The following XXYLT1 variants were observed in gnomAD, a reference collection of about 807,000 sequenced individuals.
XXYLT1 encodes the protein UDP-xylose:alpha-xyloside alpha-1,3-xylosyltransferase.
In XXYLT1, 20 loss-of-function variants were observed where a neutral mutation model predicts 28.9. The observed-to-expected ratio is 0.69, with a 90% CI of 0.49 to 1.00. The LOEUF is 1.00. Ranked by LOEUF, XXYLT1 falls within the 50% of genes least tolerant of loss-of-function variation. The pLI is 0.00. For missense variants in XXYLT1, 542 were observed against 560.1 expected, an observed-to-expected ratio of 0.97 and a Z score of 0.33; for synonymous variants, 257 against 253.8, an observed-to-expected ratio of 1.01 and a Z score of -0.12.
In XXYLT1 at chr3:195,180,603, G is replaced by C; in HGVS notation, c.653-24022C>G. On this transcript the variant is annotated intron_variant, in intron 2 of 3. Coordinates refer to ENST00000310380, the MANE Select transcript of XXYLT1 (RefSeq NM_152531.5). The surrounding 1 kb of genome is among the most constrained non-coding windows in gnomAD (Gnocchi z 5.8). ...CCAGCCCTCTCCAGAGCGTGATGTG[G>C]CCCCGTCTGGCTAAGAGCACCAGAC... 1 of 969,654 alleles carries C rather than the reference G, an allele frequency of 1.0e-6. No homozygotes were observed. 60.1% of individuals were successfully genotyped at this position (969,654 alleles called of 1,614,324 possible). A position where few individuals can be genotyped will look rare whatever the true frequency, so the allele number is the denominator to read the frequency against.
rs1030895207 is a variant in XXYLT1 at position 195,110,289 on chromosome 3, G to C, written c.786-40178C>G. Among the ~76,000 whole-genome samples the C allele has an allele frequency of 8.1e-3, 12 of 1,478 alleles. 3 individuals carry two copies. Among genetic ancestry groups the C allele is most frequent in the African/African-American group, 0.017 (7 of 424 alleles). The allele number at this position is 1,478 out of a possible 152,430, so 1.0% of individuals were successfully genotyped here. On this transcript the variant is annotated intron_variant, in intron 3 of 3. Coordinates refer to ENST00000310380, the MANE Select transcript of XXYLT1 (RefSeq NM_152531.5). ...GGTGTGTGGTGTGTGTGGGGTGTAT[G>C]TGTGCGTGTGTGGTATATGTGTGTG... is the stretch of plus-strand genomic sequence containing the variant.
At chr3:195,082,339 C>G (rs1255367732) in intron 3 of XXYLT1, among the ~76,000 whole-genome samples, 1 of 152,168 alleles carries the variant, frequency 6.6e-6, no homozygotes, top group African/African-American at 2.4e-5. Flanking sequence ...CCCGTCAGCC[C>G]CCCTCCCTGG....
At chr3:195,238,603 T>G (rs1234495901) in intron 1 of XXYLT1, among the ~76,000 whole-genome samples, 1 of 152,124 alleles carries the variant, frequency 6.6e-6, no homozygotes, top group Non-Finnish European at 1.5e-5. Flanking sequence ...AGTTTCTTCG[T>G]GGGTAATACA....
At chr3:195,106,661 T>C (rs1717111875) in intron 3 of XXYLT1, among the ~76,000 whole-genome samples, 1 of 152,220 alleles carries the variant, frequency 6.6e-6, no homozygotes, top group Non-Finnish European at 1.5e-5. Flanking sequence ...GGGAGGGGCC[T>C]GGGGCGCCCC....
At chr3:195,232,170 TA>T (rs1464758121) in intron 1 of XXYLT1, among the ~76,000 whole-genome samples, 1 of 152,174 alleles carries the variant, frequency 6.6e-6, no homozygotes, top group Non-Finnish European at 1.5e-5. Context: ...TTTATTGGTA[TA>T]TAGTTGTTCA....
At chr3:195,109,511 T>C (rs1717346346) in intron 3 of XXYLT1, among the ~76,000 whole-genome samples, 1 of 150,426 alleles carries the variant, frequency 6.6e-6, no homozygotes. Flanking sequence ...GTGTGTGGTG[T>C]ATGAGTGTGC....
Position 195,163,765 on chromosome 3 carries a change from C to T in XXYLT1, c.653-7184G>A, listed in dbSNP as rs144807543. On this transcript the variant is annotated intron_variant, in intron 2 of 3. Transcript: ENST00000310380. ...GGCTGCTCCATGAAGTTATCAAAGA[C>T]CCAGACGACTTCTGCTTTTCTCCTT... 5.7e-3 allele frequency among the ~76,000 whole-genome samples: 862 copies of T among 152,308 alleles called. 11 individuals are homozygous for T. The highest frequency in any genetic ancestry group is 5.9e-3 in the Non-Finnish European group (403 of 68,020).
chr3:195,260,257 G>A (rs1390789826), intron 1 of XXYLT1, among the ~76,000 whole-genome samples: 1 of 150,982 alleles, frequency 6.6e-6, no homozygotes, highest in Non-Finnish European at 1.5e-5. Flanking sequence ...TGTCGGCCCC[G>A]GGCGGGGGAG....
In XXYLT1 at chr3:195,252,719, C is replaced by CAGAG. The variant is rs1484813323; in HGVS notation, c.504+17835_504+17836insCTCT. Among the ~76,000 whole-genome samples, 1,070 of 138,146 alleles carry CAGAG rather than the reference C, an allele frequency of 7.7e-3. 19 individuals are homozygous for CAGAG. The highest frequency in any genetic ancestry group is 0.031 in the African/African-American group (978 of 31,402). 90.6% of individuals were successfully genotyped at this position (138,146 alleles called of 152,430 possible). A position where few individuals can be genotyped will look rare whatever the true frequency, so the allele number is the denominator to read the frequency against. The stretch of plus-strand genomic sequence containing the variant: ...ACACACACACACACACACACACACA[C>CAGAG]ACACACACAGAGAGAGAGAGAGAGA... On this transcript the variant is annotated intron_variant, in intron 1 of 3. Transcript: ENST00000310380.
intron 3 of XXYLT1, among the ~76,000 whole-genome samples, chr3:195,088,897 G>A (rs1297219548): frequency 5.3e-5 from 8 of 150,736 alleles, no homozygotes; most frequent in East Asian, 3.9e-4. Context: ...CTCAGGAGCC[G>A]ATGCAATCAA....
intron 3 of XXYLT1, among the ~76,000 whole-genome samples, chr3:195,090,793 GA>G (rs1215526501): frequency 1.3e-5 from 2 of 149,112 alleles, no homozygotes; most frequent in Non-Finnish European, 3.0e-5. Context: ...GACTAATAAA[GA>G]AAAAAAGAGA....
At chr3:195,103,104 G>A (rs188116638) in intron 3 of XXYLT1, among the ~76,000 whole-genome samples, 8 of 152,372 alleles carry the variant, frequency 5.3e-5, no homozygotes, top group South Asian at 2.1e-4. Context: ...TGCACTGAAC[G>A]GGGAGAAGTG....
chr3:195,239,108 T>A (rs1226373132), intron 1 of XXYLT1, among the ~76,000 whole-genome samples: 2 of 152,224 alleles, frequency 1.3e-5, no homozygotes, highest in Non-Finnish European at 2.9e-5. Context: ...CCTGCACCCA[T>A]GAATATTTCA....
chr3:195,248,652 T>G (rs1285102631), intron 1 of XXYLT1, among the ~76,000 whole-genome samples: 1 of 152,202 alleles, frequency 6.6e-6, no homozygotes, highest in Non-Finnish European at 1.5e-5. Flanking sequence ...GCGCAGTGGC[T>G]CACACCTGTA....
chr3:195,226,961 T>G, intron 1 of XXYLT1, 105 bp from the exon 2 acceptor site: 1 of 1,391,608 alleles, frequency 7.2e-7, no homozygotes, highest in East Asian at 2.5e-5. Flanking sequence ...AGACAGTGCC[T>G]CTCCAGGGTC....
chr3:195,205,630 A>G (rs959761541), intron 2 of XXYLT1, among the ~76,000 whole-genome samples: 3 of 152,198 alleles, frequency 2.0e-5, no homozygotes, highest in African/African-American at 7.2e-5. Flanking sequence ...TGGGAGGCCG[A>G]GGCGGGTGAA....
At chr3:195,139,366 G>A (rs919888564) in intron 3 of XXYLT1, among the ~76,000 whole-genome samples, 9 of 152,200 alleles carry the variant, frequency 5.9e-5, no homozygotes, top group African/African-American at 2.2e-4. Context: ...GTGGAGGCAG[G>A]GAGAGGGAAC....
At position 195,132,306 on chromosome 3, in the gene XXYLT1, C is replaced by A. The variant is rs1446884232; in HGVS notation, c.785+24143G>T. Reference sequence around the variant, plus strand: ...GCAACATGGCGAAACCCCATCTTTACAAATAAAGAAATTAGCCAGGCATGG... The same window carrying A: ...GCAACATGGCGAAACCCCATCTTTAAAAATAAAGAAATTAGCCAGGCATGG... On this transcript the variant is annotated intron_variant, in intron 3 of 3. Transcript: ENST00000310380. 2.0e-5 allele frequency among the ~76,000 whole-genome samples: 3 copies of A among 151,998 alleles called. No homozygotes were observed. In the East Asian group the frequency reaches 5.8e-4, roughly 29 times the overall value.
chr3:195,094,030 C>G (rs1398836736), intron 3 of XXYLT1: 1 of 155,904 alleles, frequency 6.4e-6, no homozygotes, highest in Non-Finnish European at 1.4e-5. Flanking sequence ...GGCAGCTCCT[C>G]CTCCTCCTCC....
Sources: allele counts gnomAD v4.1 joint callset (sites outside exome capture counted in the v4.1 genomes callset), GRCh38; gene constraint gnomAD v4.1.1; non-coding constraint Gnocchi (gnomAD v3.1); transcripts MANE v1.5; gene names NCBI Gene and HGNC (gene_info 2026-07-23, HGNC 2026-07-21).